SFXN4: variants seen among roughly 807,000 people sequenced by gnomAD.
SFXN4 encodes the protein sideroflexin-4.
A neutral mutation model predicts 54.6 loss-of-function variants in SFXN4; 48 were observed. The observed-to-expected ratio is 0.88, with a 90% CI of 0.70 to 1.12. The LOEUF (loss-of-function observed/expected upper bound fraction) is 1.12, where lower values mean the gene tolerates loss of function less well. Among genes scored for constraint, SFXN4 ranks in the 50% most tolerant of loss-of-function variants. SFXN4 has a pLI of 0.00. For synonymous variants in SFXN4, 130 were observed against 145.5 expected (o/e 0.89, Z 0.77); for missense variants, 383 against 409.2 (o/e 0.94, Z 0.55).
chr10:119,144,370 T>A (rs560962552), intron 13 of SFXN4, among the ~76,000 whole-genome samples: 1 of 151,798 alleles, frequency 6.6e-6, no homozygotes, highest in African/African-American at 2.4e-5. Context: ...GGCAGGAGAA[T>A]GGCATGAACC....
chr10:119,161,841 T>C (rs1847561902), intron 3 of SFXN4, among the ~76,000 whole-genome samples: 1 of 152,210 alleles, frequency 6.6e-6, no homozygotes, highest in African/African-American at 2.4e-5. Flanking sequence ...AGCACATTCT[T>C]AGAAAAAGTT....
chr10:119,146,464 C>CGCGCGCGCGT lies in SFXN4; in HGVS notation c.819-112_819-111insACGCGCGCGC, dbSNP rs1554885843. 146 of 488,506 alleles carry CGCGCGCGCGT rather than the reference C, an allele frequency of 3.0e-4. 1 individual carries two copies. In the East Asian group the frequency reaches 3.1e-3, roughly 10 times the overall value. The allele number at this position is 488,506 out of a possible 1,614,324, so 30.3% of individuals were successfully genotyped here. ...GTGTGTGTGTGTGTGTGTGTGTGCA[C>CGCGCGCGCGT]GTGTGTGTGTACCTGAACACCTGGA... On this transcript the variant is annotated intron_variant, in intron 12 of 13. Coordinates refer to ENST00000355697, the MANE Select transcript of SFXN4 (RefSeq NM_213649.2).
intron 10 of SFXN4, among the ~76,000 whole-genome samples, chr10:119,155,515 A>G (rs1440847615): frequency 6.6e-6 from 1 of 151,868 alleles, no homozygotes; most frequent in Non-Finnish European, 1.5e-5. Flanking sequence ...TTTTTCAGAC[A>G]GAGTTTCACT....
rs138956577 is a variant in SFXN4 at position 119,140,990 on chromosome 10, C to T, written c.*252G>A. 27 of 404,022 alleles carry T rather than the reference C, an allele frequency of 6.7e-5. No individual in the cohort carries two copies. The highest frequency in any genetic ancestry group is 5.1e-4 in the African/African-American group (25 of 48,680). 25.0% of individuals were successfully genotyped at this position (404,022 alleles called of 1,614,324 possible). A position where few individuals can be genotyped will look rare whatever the true frequency, so the allele number is the denominator to read the frequency against. On this transcript the variant is annotated 3_prime_UTR_variant, in exon 14 of 14. Transcript: ENST00000355697. ...TCACAGTATCCTTTCGCAGGCCGAT[C>T]CCCACTCCAACCGTTCCCTCAGCAA... is the stretch of plus-strand genomic sequence containing the variant.
At chr10:119,152,230 G>T (rs1470151535) in intron 11 of SFXN4, among the ~76,000 whole-genome samples, 3 of 149,100 alleles carry the variant, frequency 2.0e-5, no homozygotes, top group African/African-American at 7.4e-5. Context: ...TCTTTCGGGC[G>T]TTTTTTTTTT....
intron 10 of SFXN4, 74 bp from the exon 11 acceptor site, chr10:119,155,251 G>C: frequency 1.9e-6 from 2 of 1,029,672 alleles, no homozygotes; most frequent in South Asian, 2.6e-5. Flanking sequence ...ATCTCTTTGG[G>C]TGTCTGCCCC....
rs187526053 is a variant in SFXN4, at chr10:119,156,278, A to G, written c.616+400T>C. 1.2e-4 allele frequency among the ~76,000 whole-genome samples: 19 copies of G among 152,236 alleles called. No individual in the cohort carries two copies. In the East Asian group the frequency reaches 2.3e-3, roughly 19 times the overall value. ...TCTCTACTAAAAATACAAAAAAACA[A>G]TTAGCTGGACATGGTGGCGCACACC... On this transcript the variant is annotated intron_variant, in intron 10 of 13. Transcript: ENST00000355697.
chr10:119,152,682 CCATTAGCATGTATCTGATA>C (rs1175758686), intron 11 of SFXN4, among the ~76,000 whole-genome samples: 1 of 151,968 alleles, frequency 6.6e-6, no homozygotes, highest in African/African-American at 2.4e-5. Flanking sequence ...AGTGGAAATA[CCATTAGCATGTATCTGATA>C]GTTTATAATT....
Position 119,165,638 on chromosome 10 carries a change from C to G in SFXN4, c.10G>C (p.Glu4Gln), listed in dbSNP as rs143051117. The G allele has an allele frequency of 2.0e-5, 32 of 1,588,072 alleles. No individual in the cohort carries two copies. The African/African-American group carries it at 3.5e-4, about 17-fold the overall frequency. Residue 4 changes from glutamate to glutamine, a missense_variant, in exon 1 of 14, where the codon GAA (glutamate) becomes CAA (glutamine). Glu to Gln is a conservative substitution (Grantham distance 29). Transcript: ENST00000355697. ...CCAGGTTGCGTTTCCTCCTCCTGTT[C>G]CAGGGACATTTTGCGCTGGTTAGAG... MSL[E>Q]QEEETQPGRL...
At chr10:119,153,648 G>T (rs1041373129) in intron 11 of SFXN4, among the ~76,000 whole-genome samples, 1 of 152,160 alleles carries the variant, frequency 6.6e-6, no homozygotes, top group African/African-American at 2.4e-5. Context: ...GTGCAGAGCA[G>T]GCTGGGAGGG....
chr10:119,162,468 T>A, intron 2 of SFXN4, 54 bp from the exon 3 acceptor site: 1 of 1,471,928 alleles, frequency 6.8e-7, no homozygotes, highest in Non-Finnish European at 9.5e-7. Flanking sequence ...TTCAGGTTTA[T>A]CCCCAGAGGT....
intron 11 of SFXN4, among the ~76,000 whole-genome samples, chr10:119,150,165 A>G (rs1015356795): frequency 6.6e-6 from 1 of 151,942 alleles, no homozygotes; most frequent in African/African-American, 2.4e-5. Flanking sequence ...TTTTTAAAGT[A>G]GACCAGTAAA....
intron 11 of SFXN4, among the ~76,000 whole-genome samples, chr10:119,148,154 G>A (rs557888023): frequency 1.3e-5 from 2 of 152,110 alleles, no homozygotes; most frequent in East Asian, 1.9e-4. Context: ...ATTGGGCGAC[G>A]GAGTGAAACT....
At position 119,165,696 on chromosome 10, in the gene SFXN4, G is replaced by A. The variant is rs1041028572; in HGVS notation, c.-49C>T. 4.3e-6 allele frequency: 6 copies of A among 1,410,396 alleles called. No individual in the cohort carries two copies. The highest frequency in any genetic ancestry group is 3.0e-5 in the African/African-American group (2 of 66,442). The allele number at this position is 1,410,396 out of a possible 1,614,324, so 87.4% of individuals were successfully genotyped here. A position where few individuals can be genotyped will look rare whatever the true frequency, so the allele number is the denominator to read the frequency against. On this transcript the variant is annotated 5_prime_UTR_variant, in exon 1 of 14. Coordinates refer to ENST00000355697, the MANE Select transcript of SFXN4 (RefSeq NM_213649.2). ...CGCCGCCAGGCCGCGCGTGGAGGAG[G>A]AGCCGGGCGGCGAGCCCCGCCCCGG...
Position 119,147,138 on chromosome 10 carries a change from GAGA to G in SFXN4, c.818+634_818+636del, listed in dbSNP as rs371723388. Among the ~76,000 whole-genome samples, 276 of 152,332 alleles carry G rather than the reference GAGA, an allele frequency of 1.8e-3. 2 individuals are homozygous for G. The highest frequency in any genetic ancestry group is 6.8e-3 in the Middle Eastern group (2 of 294). ...ATATGAAGAAGCCAATCTGGCAGGA[GAGA>G]AGGACTCGACACCCACGAGAATGAC... On this transcript the variant is annotated intron_variant, in intron 12 of 13. Coordinates refer to ENST00000355697, the MANE Select transcript of SFXN4 (RefSeq NM_213649.2).
intron 11 of SFXN4, among the ~76,000 whole-genome samples, chr10:119,154,146 C>G (rs1847184048): frequency 6.6e-6 from 1 of 151,442 alleles, no homozygotes; most frequent in Admixed American, 6.6e-5. Context: ...CCATTGCACT[C>G]CAGCCTGGGT....
At position 119,146,428 on chromosome 10, in the gene SFXN4, C is replaced by CGTGTGTGTGTGTGTGT. The variant is rs56031432; in HGVS notation, c.819-91_819-76dup. On this transcript the variant is annotated intron_variant, in intron 12 of 13. Transcript: ENST00000355697. The stretch of plus-strand genomic sequence containing the variant: ...TATTTTCTGAACAGCTGAATCAGGG[C>CGTGTGTGTGTGTGTGT]GTGTGTGTGTGTGTGTGTGTGTGTG... 1.3e-5 allele frequency: 7 copies of CGTGTGTGTGTGTGTGT among 559,678 alleles called. No individual in the cohort carries two copies. The East Asian group carries it at 1.3e-4, about 10-fold the overall frequency. 34.7% of individuals were successfully genotyped at this position (559,678 alleles called of 1,614,324 possible).
intron 11 of SFXN4, among the ~76,000 whole-genome samples, chr10:119,153,362 T>C: frequency 7.3e-6 from 1 of 137,120 alleles, no homozygotes; most frequent in East Asian, 2.1e-4. Context: ...AGAGCCGTGA[T>C]CACACCATTG....
chr10:119,158,105 G>A, intron 6 of SFXN4, 43 bp from the exon 7 acceptor site: 1 of 1,580,440 alleles, frequency 6.3e-7, no homozygotes, highest in Non-Finnish European at 8.7e-7. Context: ...TGTTGCTGTG[G>A]AAGGAGAACT....
Sources: gnomAD v4.1 joint callset for allele counts (sites outside exome capture counted in the v4.1 genomes callset) on GRCh38, gnomAD v4.1.1 for gene constraint, MANE v1.5 for transcripts, NCBI Gene and HGNC (gene_info 2026-07-23, HGNC 2026-07-21) for gene names.